Variants in MRPS24 observed in about 807,000 individuals in gnomAD.
MRPS24 encodes small ribosomal subunit protein uS3m.
Under a neutral mutation model 21.8 loss-of-function variants are expected in MRPS24, and 15 were observed. The observed-to-expected ratio is 0.69, with a 90% CI of 0.46 to 1.06. The LOEUF (loss-of-function observed/expected upper bound fraction) is 1.06, where lower values mean the gene tolerates loss of function less well. MRPS24 is among the 50% of genes least tolerant of loss of function. MRPS24 has a pLI of 0.00. For synonymous variants in MRPS24, 93 were observed against 93.7 expected (o/e 0.99, Z 0.04); for missense variants, 224 against 219.1 (o/e 1.02, Z -0.14).
At chr7:43,868,886 A>C (rs2132633604) in intron 3 of MRPS24, 77 bp downstream of exon 3, 11 of 1,537,146 alleles carry the variant, frequency 7.2e-6, no homozygotes, top group Non-Finnish European at 8.8e-6. Flanking sequence ...AGTTAAAGAA[A>C]ACCTGTGACA....
Position 43,866,997 on chromosome 7 carries a change from G to A in MRPS24, c.221-15C>T. 6.2e-7 allele frequency: 1 copy of A among 1,611,798 alleles called. No individual in the cohort carries two copies. The highest frequency in any genetic ancestry group is 8.5e-7 in the Non-Finnish European group (1 of 1,178,446). On this transcript the variant is annotated splice_polypyrimidine_tract_variant and intron_variant, in intron 3 of 3. Coordinates refer to ENST00000317534, the MANE Select transcript of MRPS24 (RefSeq NM_032014.3). ...ATCCAGGTTACCTGAAGAGGGAAGG[G>A]CATAATAGAAGAATCAGCCTCATTG...
In MRPS24 at chr7:43,868,973, C is replaced by T; in HGVS notation, c.210G>A (p.Ser70=). 1 of 1,613,886 alleles carries T rather than the reference C, an allele frequency of 6.2e-7. No homozygotes were observed. The highest frequency in any genetic ancestry group is 1.1e-5 in the South Asian group (1 of 91,068). ...CTGGGGTCCGCTCACCTGTGTGCAG[C>T]GACAGCCAGCCTTTACGGTGGGCGA... ...HYIAHRKGWL[S]LHTGNLDGED... The change falls in exon 3 of 4, where the codon TCG becomes TCA. Residue 70 remains serine (S), a synonymous_variant. Coordinates refer to ENST00000317534, the MANE Select transcript of MRPS24 (RefSeq NM_032014.3).
intron 3 of MRPS24, chr7:43,868,230 C>T (rs573243960): frequency 6.6e-6 from 1 of 152,266 alleles, no homozygotes; most frequent in African/African-American, 2.4e-5. Context: ...CTAGATAGCA[C>T]TTCAGCATTG....
At chr7:43,868,796 C>A (rs1444845320) in intron 3 of MRPS24, 167 bp downstream of exon 3, 1 of 864,900 alleles carries the variant, frequency 1.2e-6, no homozygotes, top group Non-Finnish European at 1.6e-6. Context: ...GTTTCAACAT[C>A]CTGATCTATA....
chr7:43,868,304 G>C (rs201724331), intron 3 of MRPS24: 1 of 151,744 alleles, frequency 6.6e-6, no homozygotes, highest in Non-Finnish European at 1.5e-5. Context: ...AAAAAAAAAA[G>C]ATTCTAGACC....
chr7:43,869,257 C>A lies in MRPS24; in HGVS notation c.108+51G>T. On this transcript the variant is annotated intron_variant, in intron 2 of 3. Transcript: ENST00000317534. The surrounding 1 kb of genome is among the most constrained non-coding windows in gnomAD (Gnocchi z 4.8). ...TTCAGCCCGCACGGCTTCCCCGGCC[C>A]CCGGCCCCCCGGCCCCCAGGCCCCC... is the stretch of plus-strand genomic sequence containing the variant. 2 of 1,442,162 alleles carry A rather than the reference C, an allele frequency of 1.4e-6. No individual in the cohort carries two copies. Among genetic ancestry groups the A allele is most frequent in the Non-Finnish European group, 1.8e-6 (2 of 1,090,574 alleles). The allele number at this position is 1,442,162 out of a possible 1,614,324, so 89.3% of individuals were successfully genotyped here. A position where few individuals can be genotyped will look rare whatever the true frequency, so the allele number is the denominator to read the frequency against.
In MRPS24 at chr7:43,868,902, T is replaced by G. The variant is rs113144993; in HGVS notation, c.220+61A>C. 1.9e-6 allele frequency: 3 copies of G among 1,580,134 alleles called. No individual in the cohort carries two copies. In the South Asian group the frequency reaches 3.4e-5, roughly 18 times the overall value. On this transcript the variant is annotated intron_variant, in intron 3 of 3. Coordinates refer to ENST00000317534, the MANE Select transcript of MRPS24 (RefSeq NM_032014.3). ...GTTAAAGAAAACCTGTGACACGTGT[T>G]CATTTTGTTTACATGACAGTCGGAT...
In MRPS24 at chr7:43,869,509, G is replaced by C; in HGVS notation, c.-14C>G. 1 of 1,562,584 alleles carries C rather than the reference G, an allele frequency of 6.4e-7. No homozygotes were observed. Among genetic ancestry groups the C allele is most frequent in the Non-Finnish European group, 8.6e-7 (1 of 1,156,444 alleles). Reference sequence around the variant, plus strand: ...GGAGGCCGCCATCTTGGGCCAAGCGGAGCGCGGGACGTACCACAGCGCGCT... The same window carrying C: ...GGAGGCCGCCATCTTGGGCCAAGCGCAGCGCGGGACGTACCACAGCGCGCT... On this transcript the variant is annotated 5_prime_UTR_variant, in exon 1 of 4. Transcript: ENST00000317534. This position sits in a 1 kb window ranked among gnomAD's most constrained non-coding sequence, Gnocchi z 4.8.
Position 43,869,000 on chromosome 7 carries a change from G to A in MRPS24, c.183C>T (p.Tyr61=), listed in dbSNP as rs757689348. ...VTYEEAHAPH[Y]IAHRKGWLSL... ...ACAGCCAGCCTTTACGGTGGGCGAT[G>A]TAGTGCGGCGCGTGTGCCTCCTCGT... is the stretch of plus-strand genomic sequence containing the variant. The change falls in exon 3 of 4, where the codon TAC becomes TAT. Residue 61 remains tyrosine (Y), a synonymous_variant. Transcript: ENST00000317534. 3.1e-6 allele frequency: 5 copies of A among 1,614,112 alleles called. No individual in the cohort carries two copies. The highest frequency in any genetic ancestry group is 2.2e-5 in the East Asian group (1 of 44,886).
At position 43,869,314 on chromosome 7, in the gene MRPS24, G is replaced by C; in HGVS notation, c.102C>G (p.Cys34Trp). The change falls in exon 2 of 4, where the codon TGC becomes TGG. Residue 34 changes from cysteine to tryptophan, a missense_variant. Physicochemically the swap from Cys to Trp is radical, Grantham distance 215. Transcript: ENST00000317534. This position sits in a 1 kb window ranked among gnomAD's most constrained non-coding sequence, Gnocchi z 4.8. Reference protein sequence around the residue: ...AWRALHTSPVCAKNRAARVRV... With the variant: ...AWRALHTSPVWAKNRAARVRV... ...CTGCCCCGGCGGTGCTCACCTTGGCGCAGACCGGGGAGGTGTGCAGGGCGC... is the reference window on the plus strand; with the variant it reads ...CTGCCCCGGCGGTGCTCACCTTGGCCCAGACCGGGGAGGTGTGCAGGGCGC... The C allele has an allele frequency of 6.5e-7, 1 of 1,543,268 alleles. No homozygotes were observed. Among genetic ancestry groups the C allele is most frequent in the Non-Finnish European group, 8.7e-7 (1 of 1,146,126 alleles).
At position 43,869,240 on chromosome 7, in the gene MRPS24, G is replaced by T. The variant is rs1419831406; in HGVS notation, c.108+68C>A. On this transcript the variant is annotated intron_variant, in intron 2 of 3. Transcript: ENST00000317534. The surrounding 1 kb of genome is among the most constrained non-coding windows in gnomAD (Gnocchi z 4.8). ...CCCAGCGACACGCCCCCTTCAGCCC[G>T]CACGGCTTCCCCGGCCCCCGGCCCC... is the stretch of plus-strand genomic sequence containing the variant. 4 of 1,480,008 alleles carry T rather than the reference G, an allele frequency of 2.7e-6. No homozygotes were observed. The highest frequency in any genetic ancestry group is 1.4e-5 in the African/African-American group (1 of 70,774). 91.7% of individuals were successfully genotyped at this position (1,480,008 alleles called of 1,614,324 possible). A position where few individuals can be genotyped will look rare whatever the true frequency, so the allele number is the denominator to read the frequency against.
Position 43,869,131 on chromosome 7 carries a change from CG to C in MRPS24, c.109-58del. On this transcript the variant is annotated intron_variant, in intron 2 of 3. Transcript: ENST00000317534. The surrounding 1 kb of genome is among the most constrained non-coding windows in gnomAD (Gnocchi z 4.8). ...ATCCCCGATCCAGACCCCTACTTCG[CG>C]CCATGTCCCCCCAGTCAGCTGGCAC... 4 of 1,558,664 alleles carry C rather than the reference CG, an allele frequency of 2.6e-6. No homozygotes were observed. The highest frequency in any genetic ancestry group is 2.6e-6 in the Non-Finnish European group (3 of 1,156,100).
chr7:43,869,131 C>G lies in MRPS24; in HGVS notation c.109-57G>C. 6.4e-7 allele frequency: 1 copy of G among 1,558,664 alleles called. No homozygotes were observed. On this transcript the variant is annotated intron_variant, in intron 2 of 3. Coordinates refer to ENST00000317534, the MANE Select transcript of MRPS24 (RefSeq NM_032014.3). The surrounding 1 kb of genome is among the most constrained non-coding windows in gnomAD (Gnocchi z 4.8). ...ATCCCCGATCCAGACCCCTACTTCG[C>G]GCCATGTCCCCCCAGTCAGCTGGCA... is the stretch of plus-strand genomic sequence containing the variant.
At chr7:43,867,572 C>T (rs1311051677) in intron 3 of MRPS24, 1 of 129,916 alleles carries the variant, frequency 7.7e-6, no homozygotes, top group Admixed American at 9.9e-5. Context: ...CTCTGTCGTC[C>T]AGGCTGGAGT....
chr7:43,869,260 G>GGCCCCCAGGGCCCCCC lies in MRPS24; in HGVS notation c.108+47_108+48insGGGGGGCCCTGGGGGC. 1 of 782,854 alleles carries GGCCCCCAGGGCCCCCC rather than the reference G, an allele frequency of 1.3e-6. No homozygotes were observed. The allele number at this position is 782,854 out of a possible 1,614,324, so 48.5% of individuals were successfully genotyped here. A position where few individuals can be genotyped will look rare whatever the true frequency, so the allele number is the denominator to read the frequency against. On this transcript the variant is annotated intron_variant, in intron 2 of 3. Coordinates refer to ENST00000317534, the MANE Select transcript of MRPS24 (RefSeq NM_032014.3). This position sits in a 1 kb window ranked among gnomAD's most constrained non-coding sequence, Gnocchi z 4.8. ...AGCCCGCACGGCTTCCCCGGCCCCC[G>GGCCCCCAGGGCCCCCC]GCCCCCCGGCCCCCAGGCCCCCAGG...
chr7:43,868,633 G>A, intron 3 of MRPS24: 1 of 258,460 alleles, frequency 3.9e-6, no homozygotes, highest in Non-Finnish European at 7.4e-6. Flanking sequence ...CCTTGACTCT[G>A]AGCTATTTTA....
Position 43,866,992 on chromosome 7 carries a change from G to C in MRPS24, c.221-10C>G, listed in dbSNP as rs187189647. ...TCTCCATCCAGGTTACCTGAAGAGG[G>C]AAGGGCATAATAGAAGAATCAGCCT... On this transcript the variant is annotated splice_polypyrimidine_tract_variant and intron_variant, in intron 3 of 3. Coordinates refer to ENST00000317534, the MANE Select transcript of MRPS24 (RefSeq NM_032014.3). 2.2e-5 allele frequency: 35 copies of C among 1,613,392 alleles called. No homozygotes were observed. The African/African-American group carries it at 4.4e-4, about 20-fold the overall frequency.
chr7:43,867,091 C>G (rs1242818575), intron 3 of MRPS24, 109 bp from the exon 4 acceptor site: 12 of 1,102,770 alleles, frequency 1.1e-5, no homozygotes, highest in African/African-American at 1.6e-5. Context: ...CCCTTCACCC[C>G]CAGCCTCTTC....
rs2095836605 is a variant in MRPS24, at chr7:43,866,721, T to G, written c.482A>C (p.Lys161Thr). 6.2e-7 allele frequency: 1 copy of G among 1,614,224 alleles called. No homozygotes were observed. The highest frequency in any genetic ancestry group is 8.5e-7 in the Non-Finnish European group (1 of 1,180,042). Residue 161 changes from lysine to threonine, a missense_variant, in exon 4 of 4, where the codon AAG (lysine) becomes ACG (threonine). By Grantham distance (78) the Lys-to-Thr change is moderately conservative. Transcript: ENST00000317534. ...VRLHLQTVPS[K>T]VVYKYL is the part of the protein sequence containing the mutation. ...GTTCTAGAGGTACTTATACACAACC[T>G]TTGAGGGCACAGTTTGGAGGTGGAG...
Sources: gnomAD v4.1 joint callset for allele counts on GRCh38, gnomAD v4.1.1 for gene constraint, Gnocchi (gnomAD v3.1) non-coding constraint, MANE v1.5 for transcripts, NCBI Gene and HGNC (gene_info 2026-07-23, HGNC 2026-07-21) for gene names.